Variants in CRACD observed in about 807,000 individuals in gnomAD.
The protein encoded by CRACD is capping protein inhibiting regulator of actin dynamics, also known as capping protein-inhibiting regulator of actin dynamics.
CRACD carries 56 observed loss-of-function variants against 106.8 expected under a neutral mutation model. The observed-to-expected ratio is 0.52, with a 90% CI of 0.42 to 0.66. CRACD has a LOEUF of 0.66. CRACD is among the 30% of genes least tolerant of loss of function. The probability of loss-of-function intolerance (pLI) is 0.00; values close to 1 mark genes in which losing one functional copy is unlikely to be tolerated. For synonymous variants in CRACD, 754 were observed against 670.8 expected (o/e 1.12, Z -1.92); for missense variants, 1,730 against 1,623.2 (o/e 1.07, Z -1.13).
chr4:56,147,354 T>A (rs1735422972), intron 1 of CRACD, among the ~76,000 whole-genome samples: 1 of 152,194 alleles, frequency 6.6e-6, no homozygotes, highest in Admixed American at 6.5e-5. Context: ...ATCATCACAA[T>A]CAGTTTTAGA....
intron 1 of CRACD, among the ~76,000 whole-genome samples, chr4:56,160,095 T>C (rs1229195885): frequency 1.3e-5 from 2 of 151,854 alleles, no homozygotes; most frequent in Admixed American, 6.6e-5. Flanking sequence ...ATGACTTTCA[T>C]TGGAATTTTT....
chr4:56,056,685 C>T (rs1044500576), intron 1 of CRACD, among the ~76,000 whole-genome samples: 34 of 151,946 alleles, frequency 2.2e-4, no homozygotes, highest in African/African-American at 8.0e-4. Flanking sequence ...GTCCCAGTTA[C>T]TTGGGGCTGA....
chr4:56,264,696 A>G (rs563032171), intron 2 of CRACD, among the ~76,000 whole-genome samples: 16 of 152,376 alleles, frequency 1.1e-4, no homozygotes, highest in African/African-American at 2.6e-4. Flanking sequence ...AAAGACAAGC[A>G]TAGGAAATTA....
At chr4:56,206,832 G>A (rs1287071414) in intron 2 of CRACD, among the ~76,000 whole-genome samples, 2 of 152,064 alleles carry the variant, frequency 1.3e-5, no homozygotes, top group African/African-American at 2.4e-5. Flanking sequence ...TTGGGTTTAC[G>A]GTCTCAGCAC....
intron 1 of CRACD, among the ~76,000 whole-genome samples, chr4:56,098,647 G>T (rs1049056350): frequency 1.3e-5 from 2 of 152,106 alleles, no homozygotes; most frequent in Non-Finnish European, 2.9e-5. Flanking sequence ...ATTCCCAGGG[G>T]TTAACACCTT....
intron 1 of CRACD, among the ~76,000 whole-genome samples, chr4:56,106,204 T>C (rs147883429): frequency 2.0e-5 from 3 of 152,342 alleles, no homozygotes; most frequent in East Asian, 1.9e-4. Context: ...TTTTTAAAAC[T>C]CTTTATAATC....
At chr4:56,092,830 C>A (rs1733468405) in intron 1 of CRACD, among the ~76,000 whole-genome samples, 1 of 152,140 alleles carries the variant, frequency 6.6e-6, no homozygotes, top group Non-Finnish European at 1.5e-5. Flanking sequence ...TCGTCTCGAA[C>A]TCCTGCCTCA....
intron 1 of CRACD, among the ~76,000 whole-genome samples, chr4:56,061,530 A>G (rs532786219): frequency 1.3e-5 from 2 of 151,964 alleles, no homozygotes; most frequent in Non-Finnish European, 2.9e-5. Context: ...GTTGGCCAGT[A>G]AACAGATGAC....
intron 4 of CRACD, among the ~76,000 whole-genome samples, chr4:56,303,173 C>T (rs1002598697): frequency 6.6e-6 from 1 of 152,014 alleles, no homozygotes; most frequent in African/African-American, 2.4e-5. Context: ...GGTGAAACCC[C>T]ATCTCTACTA....
intron 1 of CRACD, among the ~76,000 whole-genome samples, chr4:56,130,314 C>T: frequency 6.6e-6 from 1 of 152,014 alleles, no homozygotes; most frequent in East Asian, 1.9e-4. Flanking sequence ...TCTAAAAATC[C>T]TAAATCTCCA....
intron 1 of CRACD, among the ~76,000 whole-genome samples, chr4:56,069,499 A>G (rs1216090936): frequency 6.6e-6 from 1 of 152,222 alleles, no homozygotes; most frequent in Non-Finnish European, 1.5e-5. Context: ...AAGGAAGACC[A>G]GCTCATGAGC....
At chr4:56,327,545 G>T in intron 10 of CRACD, 99 bp from the exon 11 acceptor site, 1 of 1,049,332 alleles carries the variant, frequency 9.5e-7, no homozygotes, top group African/African-American at 1.6e-5. Context: ...AATACAGTTT[G>T]TCATGATAAA....
intron 1 of CRACD, among the ~76,000 whole-genome samples, chr4:56,086,782 C>T (rs1350197519): frequency 6.6e-6 from 1 of 152,066 alleles, no homozygotes; most frequent in Admixed American, 6.6e-5. Context: ...TCAGCCTGGC[C>T]CCCATCAATG....
intron 2 of CRACD, among the ~76,000 whole-genome samples, chr4:56,247,924 C>T (rs978588493): frequency 6.6e-6 from 1 of 151,624 alleles, no homozygotes; most frequent in African/African-American, 2.4e-5. Flanking sequence ...ATGCGTCATA[C>T]TTACAGTACT....
chr4:56,316,313 A>C lies in CRACD; in HGVS notation c.2811A>C (p.Pro937=). The part of the protein sequence containing the change: ...RSVPVAHPGP[P]PASSQTPAPE... ...TTCCTGTGGCCCACCCTGGGCCTCCACCGGCCAGCAGCCAGACCCCGGCTC... is the reference window on the plus strand; with the variant it reads ...TTCCTGTGGCCCACCCTGGGCCTCCCCCGGCCAGCAGCCAGACCCCGGCTC... Residue 937 remains proline, a synonymous_variant, in exon 8 of 11, where the codon CCA becomes CCC. Coordinates refer to ENST00000682029, the MANE Select transcript of CRACD (RefSeq NM_001393381.1). The C allele has an allele frequency of 6.2e-7, 1 of 1,613,950 alleles. No homozygotes were observed. The highest frequency in any genetic ancestry group is 1.1e-5 in the South Asian group (1 of 91,076).
At chr4:56,241,096 G>A (rs1035584463) in intron 2 of CRACD, among the ~76,000 whole-genome samples, 3 of 152,134 alleles carry the variant, frequency 2.0e-5, no homozygotes, top group Non-Finnish European at 4.4e-5. Context: ...TTGAGTTTCT[G>A]GTTGACATAT....
chr4:56,317,256 A>G (rs1560540348), intron 8 of CRACD, among the ~76,000 whole-genome samples: 1 of 152,172 alleles, frequency 6.6e-6, no homozygotes, highest in African/African-American at 2.4e-5. Context: ...GAAGTGCCCA[A>G]CGCCAGAGGC....
At chr4:56,279,754 G>A (rs1367298328) in intron 3 of CRACD, among the ~76,000 whole-genome samples, 1 of 152,156 alleles carries the variant, frequency 6.6e-6, no homozygotes, top group African/African-American at 2.4e-5. Flanking sequence ...CAGGGATTTA[G>A]AACTAGAATA....
chr4:56,106,423 AAAAGCACTCATCCTTATTG>A (rs1733951784), intron 1 of CRACD, among the ~76,000 whole-genome samples: 2 of 152,232 alleles, frequency 1.3e-5, no homozygotes, highest in Admixed American at 1.3e-4. Context: ...GCTAGTGTTT[AAAAGCACTCATCCTTATTG>A]AAGGAGACTT....
Sources: gnomAD v4.1 joint callset for allele counts (sites outside exome capture counted in the v4.1 genomes callset) on GRCh38, gnomAD v4.1.1 for gene constraint, MANE v1.5 for transcripts, NCBI Gene and HGNC (gene_info 2026-07-23, HGNC 2026-07-21) for gene names.